Variants in FAM171A1 observed in about 807,000 individuals in gnomAD.
The protein encoded by FAM171A1 is protein FAM171A1.
FAM171A1 carries 23 observed loss-of-function variants against 74.9 expected under a neutral mutation model. The observed-to-expected ratio is 0.31, with a 90% CI of 0.22 to 0.44. FAM171A1 has a LOEUF of 0.44. Among genes scored for constraint, FAM171A1 ranks in the 20% least tolerant of loss-of-function variants. The pLI is 1.00. For synonymous variants in FAM171A1, 527 were observed against 505.7 expected (o/e 1.04, Z -0.57); for missense variants, 1,162 against 1,159.2 (o/e 1.00, Z -0.03).
At chr10:15,370,616 A>G (rs1836129416) in intron 1 of FAM171A1, among the ~76,000 whole-genome samples, 1 of 151,698 alleles carries the variant, frequency 6.6e-6, no homozygotes, top group East Asian at 1.9e-4. Flanking sequence ...TGGGAGACAG[A>G]GCCGCGTGTC....
intron 1 of FAM171A1, among the ~76,000 whole-genome samples, chr10:15,312,546 C>T (rs918838184): frequency 5.9e-5 from 9 of 151,882 alleles, no homozygotes; most frequent in Non-Finnish European, 1.2e-4. Flanking sequence ...CTCCATACCC[C>T]CAGGGCTGTG....
intron 1 of FAM171A1, among the ~76,000 whole-genome samples, chr10:15,362,899 G>A (rs552831493): frequency 6.6e-6 from 1 of 152,276 alleles, no homozygotes; most frequent in African/African-American, 2.4e-5. Context: ...TTTTCCAATA[G>A]GATTGTAAAC....
At chr10:15,234,748 G>A (rs1448191052) in intron 5 of FAM171A1, among the ~76,000 whole-genome samples, 1 of 152,024 alleles carries the variant, frequency 6.6e-6, no homozygotes, top group African/African-American at 2.4e-5. Context: ...TGCCTCTGGG[G>A]TTCACGCCAT....
rs377177825 is a variant in FAM171A1 at position 15,214,197 on chromosome 10, A to C, written c.1391T>G (p.Phe464Cys). 22 of 1,614,058 alleles carry C rather than the reference A, an allele frequency of 1.4e-5. No homozygotes were observed. The highest frequency in any genetic ancestry group is 1.5e-5 in the Non-Finnish European group (18 of 1,180,030). The change falls in exon 8 of 8, where the codon TTT becomes TGT. Residue 464 changes from phenylalanine (F) to cysteine (C), a missense_variant. Physicochemically the swap from Phe to Cys is radical, Grantham distance 205. Transcript: ENST00000378116. Reference sequence around the variant, plus strand: ...CATAGATTTTCTTGCCTTTAAGGGAAAAACCTCCACTGACTTATGGTAGTC... The same window carrying C: ...CATAGATTTTCTTGCCTTTAAGGGACAAACCTCCACTGACTTATGGTAGTC... ...GKDYHKSVEVFPLKARKSMER... is the reference protein window; with the variant it reads ...GKDYHKSVEVCPLKARKSMER...
intron 1 of FAM171A1, among the ~76,000 whole-genome samples, chr10:15,284,985 T>C (rs1249047368): frequency 6.8e-6 from 1 of 147,010 alleles, no homozygotes; most frequent in African/African-American, 2.5e-5. Flanking sequence ...AAGTTAGGAA[T>C]ATTGGCAAAA....
rs139900551 is a variant in FAM171A1 at position 15,367,199 on chromosome 10, A to AAAACAAACAAAC, written c.97+3745_97+3756dup. ...GGGCGACAGAGCGAGACTCCATCTC[A>AAAACAAACAAAC]AAACAAACAAACAAACAAACAAACA... is the stretch of plus-strand genomic sequence containing the variant. On this transcript the variant is annotated intron_variant, in intron 1 of 7. Transcript: ENST00000378116. Among the ~76,000 whole-genome samples the AAAACAAACAAAC allele has an allele frequency of 9.1e-3, 1,382 of 151,554 alleles. 15 individuals are homozygous for AAAACAAACAAAC. Among genetic ancestry groups the AAAACAAACAAAC allele is most frequent in the African/African-American group, 0.027 (1,128 of 41,222 alleles).
rs530989532 is a variant in FAM171A1, at chr10:15,331,196, T to C, written c.97+39760A>G. On this transcript the variant is annotated intron_variant, in intron 1 of 7. Coordinates refer to ENST00000378116, the MANE Select transcript of FAM171A1 (RefSeq NM_001010924.2). ...GAGCCACCGCACCCGGCCTACAGCA[T>C]GTTTTCACACACATGCATGCATATA... Among the ~76,000 whole-genome samples, 5 of 152,218 alleles carry C rather than the reference T, an allele frequency of 3.3e-5. No individual in the cohort carries two copies. The South Asian group carries it at 1.0e-3, about 32-fold the overall frequency.
chr10:15,298,602 C>G (rs1012777527), intron 1 of FAM171A1, among the ~76,000 whole-genome samples: 3 of 152,120 alleles, frequency 2.0e-5, no homozygotes, highest in Non-Finnish European at 4.4e-5. Context: ...AATCGAAGCA[C>G]CAAAACGATG....
intron 2 of FAM171A1, among the ~76,000 whole-genome samples, chr10:15,282,136 A>C (rs1054117131): frequency 1.3e-5 from 2 of 152,142 alleles, no homozygotes; most frequent in African/African-American, 4.8e-5. Flanking sequence ...GCTGGAGTGC[A>C]GTGGCTCCAT....
intron 1 of FAM171A1, among the ~76,000 whole-genome samples, chr10:15,297,953 A>G (rs2131824115): frequency 6.6e-6 from 1 of 152,342 alleles, no homozygotes; most frequent in East Asian, 1.9e-4. Context: ...GGATAATTTG[A>G]AAACTGTTGC....
At chr10:15,230,325 C>T (rs190491876) in intron 5 of FAM171A1, among the ~76,000 whole-genome samples, 31 of 152,266 alleles carry the variant, frequency 2.0e-4, no homozygotes, top group African/African-American at 7.5e-4. Context: ...GTAAACATTC[C>T]TTGTTAATTA....
At chr10:15,287,392 CTTTT>C (rs140141279) in intron 1 of FAM171A1, among the ~76,000 whole-genome samples, 8 of 130,952 alleles carry the variant, frequency 6.1e-5, no homozygotes, top group Non-Finnish European at 1.0e-4. Context: ...GCGCCGGCCT[CTTTT>C]TTTTTTTTTT....
chr10:15,302,224 G>A (rs1420385769), intron 1 of FAM171A1, among the ~76,000 whole-genome samples: 3 of 152,168 alleles, frequency 2.0e-5, no homozygotes, highest in Admixed American at 6.5e-5. Context: ...TGCACTTTGG[G>A]AGGCCAACGT....
chr10:15,220,848 G>T, intron 6 of FAM171A1, 96 bp downstream of exon 6: 5 of 828,544 alleles, frequency 6.0e-6, no homozygotes, highest in South Asian at 1.8e-5. Flanking sequence ...AGATGTGATC[G>T]CCCTGCTGAA....
At chr10:15,224,393 C>G (rs578163822) in intron 5 of FAM171A1, among the ~76,000 whole-genome samples, 1 of 152,220 alleles carries the variant, frequency 6.6e-6, no homozygotes, top group East Asian at 1.9e-4. Flanking sequence ...ATCTTCACAC[C>G]CCATTTGCTG....
intron 1 of FAM171A1, among the ~76,000 whole-genome samples, chr10:15,362,386 G>A (rs1209162488): frequency 1.3e-5 from 2 of 152,164 alleles, no homozygotes; most frequent in Non-Finnish European, 2.9e-5. Flanking sequence ...GTGTCCCACC[G>A]TGCATAACTC....
At chr10:15,257,772 C>T (rs558337943) in intron 3 of FAM171A1, among the ~76,000 whole-genome samples, 74 of 152,262 alleles carry the variant, frequency 4.9e-4, no homozygotes, top group East Asian at 1.5e-3. Flanking sequence ...TGAAGCAGCA[C>T]GTGAGGAATT....
Position 15,371,243 on chromosome 10 carries a change from C to T in FAM171A1, c.-191G>A, listed in dbSNP as rs1387786893. On this transcript the variant is annotated 5_prime_UTR_variant, in exon 1 of 8. Transcript: ENST00000378116. ...CCCGCGCCGGGTTTCCCCGAAGAGC[C>T]GCGGCGGCGGCGGCGGCGGCGGCTG... 7.1e-6 allele frequency among the ~76,000 whole-genome samples: 1 copy of T among 141,608 alleles called. No individual in the cohort carries two copies. Among genetic ancestry groups the T allele is most frequent in the South Asian group, 2.2e-4 (1 of 4,512 alleles). The allele number at this position is 141,608 out of a possible 152,430, so 92.9% of individuals were successfully genotyped here.
upstream of FAM171A1, among the ~76,000 whole-genome samples, chr10:15,373,375 A>G (rs1469664747): frequency 6.6e-6 from 1 of 152,222 alleles, no homozygotes; most frequent in Non-Finnish European, 1.5e-5. Flanking sequence ...GGTAGGTATC[A>G]TTGTTTCCAT....
Sources: gnomAD v4.1 joint callset for allele counts (sites outside exome capture counted in the v4.1 genomes callset) on GRCh38, gnomAD v4.1.1 for gene constraint, MANE v1.5 for transcripts, NCBI Gene and HGNC (gene_info 2026-07-23, HGNC 2026-07-21) for gene names.